FCHO2: variants seen among roughly 807,000 people sequenced by gnomAD.
The protein encoded by FCHO2 is FCH and mu domain containing endocytic adaptor 2, also known as F-BAR domain only protein 2.
A neutral mutation model predicts 114.1 loss-of-function variants in FCHO2; 43 were observed. The ratio of observed to expected loss-of-function variants is 0.38; its 90% CI spans 0.30 to 0.49. FCHO2 has a LOEUF of 0.49. FCHO2 is among the 20% of genes least tolerant of loss of function. The pLI, the probability that FCHO2 is intolerant of heterozygous loss-of-function variation, is 0.97. For synonymous variants in FCHO2, 293 were observed against 315.2 expected (o/e 0.93, Z 0.75); for missense variants, 807 against 950.4 (o/e 0.85, Z 1.98).
At chr5:73,000,222 C>T (rs1237286249) in intron 5 of FCHO2, among the ~76,000 whole-genome samples, 1 of 152,090 alleles carries the variant, frequency 6.6e-6, no homozygotes, top group African/African-American at 2.4e-5. Context: ...CCTGTAATCC[C>T]AGCACTTAGA....
chr5:73,040,661 T>G (rs1756759786), intron 10 of FCHO2, among the ~76,000 whole-genome samples: 1 of 152,222 alleles, frequency 6.6e-6, no homozygotes, highest in African/African-American at 2.4e-5. Flanking sequence ...TGATAGAATT[T>G]CAGTTCTCAA....
At chr5:73,056,307 C>A (rs1757590873) in intron 16 of FCHO2, among the ~76,000 whole-genome samples, 200 bp downstream of exon 16, 1 of 152,154 alleles carries the variant, frequency 6.6e-6, no homozygotes, top group African/African-American at 2.4e-5. Context: ...ATTGACACAT[C>A]ATAATCACCT....
intron 5 of FCHO2, among the ~76,000 whole-genome samples, chr5:73,004,195 A>G (rs981917924): frequency 2.0e-5 from 3 of 152,206 alleles, no homozygotes; most frequent in African/African-American, 7.2e-5. Flanking sequence ...CGGATTAAGC[A>G]TGCCATTATA....
chr5:72,963,307 A>G (rs1751977400), intron 1 of FCHO2, among the ~76,000 whole-genome samples: 1 of 152,200 alleles, frequency 6.6e-6, no homozygotes, highest in Non-Finnish European at 1.5e-5. Context: ...ACAAGTCTGC[A>G]TGGTTTTCCT....
chr5:72,997,246 C>T, intron 5 of FCHO2: 1 of 1,155,706 alleles, frequency 8.7e-7, no homozygotes, highest in Non-Finnish European at 1.3e-6. Flanking sequence ...ATTAGAGGCC[C>T]CATGTGGATT....
chr5:72,971,796 A>G (rs1184612559), intron 2 of FCHO2, among the ~76,000 whole-genome samples: 2 of 152,178 alleles, frequency 1.3e-5, no homozygotes, highest in Non-Finnish European at 2.9e-5. Context: ...CCTGAATAGT[A>G]ATGCCTAGGT....
At chr5:72,960,520 CA>C (rs1326388720) in intron 1 of FCHO2, among the ~76,000 whole-genome samples, 4 of 151,984 alleles carry the variant, frequency 2.6e-5, no homozygotes, top group African/African-American at 7.2e-5. Context: ...ACATATTAAA[CA>C]TTATGTAACT....
intron 18 of FCHO2, 140 bp downstream of exon 18, chr5:73,064,084 A>C: frequency 1.4e-6 from 1 of 693,846 alleles, no homozygotes; most frequent in Non-Finnish European, 2.4e-6. Context: ...TTTCCCAGCT[A>C]GTGCTTCCTT....
At chr5:73,048,419 TG>T (rs1434806635) in intron 11 of FCHO2, among the ~76,000 whole-genome samples, 4 of 152,118 alleles carry the variant, frequency 2.6e-5, no homozygotes, top group African/African-American at 9.7e-5. Flanking sequence ...CACTCCAGCC[TG>T]GGTGACAGAG....
Position 73,087,700 on chromosome 5 carries a change from A to C in FCHO2, c.2357A>C (p.Glu786Ala), listed in dbSNP as rs1044867037. Reference sequence around the variant, plus strand: ...AGTACCCTTTCAGGAGTAGATTTCGAACTTGTGGGCACTGGCTATAGGCTT... The same window carrying C: ...AGTACCCTTTCAGGAGTAGATTTCGCACTTGTGGGCACTGGCTATAGGCTT... ...EGSTLSGVDFELVGTGYRLSL... is the reference protein window; with the variant it reads ...EGSTLSGVDFALVGTGYRLSL... Residue 786 changes from glutamate (E) to alanine (A), a missense_variant, in exon 25 of 26, where the codon GAA becomes GCA. By Grantham distance (107) the Glu-to-Ala change is moderately radical. Transcript: ENST00000430046. The C allele has an allele frequency of 6.2e-7, 1 of 1,613,254 alleles. No individual in the cohort carries two copies. The highest frequency in any genetic ancestry group is 1.7e-5 in the Admixed American group (1 of 59,930).
chr5:73,080,466 T>C (rs1215826450), intron 22 of FCHO2, among the ~76,000 whole-genome samples: 1 of 152,146 alleles, frequency 6.6e-6, no homozygotes, highest in East Asian at 1.9e-4. Flanking sequence ...CGCTGTAGCA[T>C]TGTTTAGAAA....
chr5:72,999,269 AT>A (rs539905152), intron 5 of FCHO2, among the ~76,000 whole-genome samples: 1 of 150,814 alleles, frequency 6.6e-6, no homozygotes, highest in African/African-American at 2.4e-5. Flanking sequence ...AAGAATGTAG[AT>A]TTTTTTTAAA....
intron 2 of FCHO2, among the ~76,000 whole-genome samples, chr5:72,979,371 T>C (rs1337460233): frequency 7.4e-6 from 1 of 135,764 alleles, no homozygotes; most frequent in Non-Finnish European, 1.6e-5. Context: ...CAGGAATTTA[T>C]CAATTTCTTT....
chr5:72,956,559 G>A (rs1751554889), intron 1 of FCHO2, among the ~76,000 whole-genome samples: 1 of 152,100 alleles, frequency 6.6e-6, no homozygotes, highest in Admixed American at 6.5e-5. Flanking sequence ...TTTGCCTCCT[G>A]CCCTCACCGC....
At chr5:73,052,219 G>A (rs1003503924) in intron 12 of FCHO2, 113 bp from the exon 13 acceptor site, 10 of 1,104,842 alleles carry the variant, frequency 9.1e-6, no homozygotes, top group South Asian at 3.4e-5. Flanking sequence ...CGTCGCACCC[G>A]GCCCAAAGTC....
At chr5:73,027,618 A>G (rs1033965543) in intron 8 of FCHO2, among the ~76,000 whole-genome samples, 6 of 152,140 alleles carry the variant, frequency 3.9e-5, no homozygotes, top group Non-Finnish European at 8.8e-5. Flanking sequence ...TGAGCAAGTA[A>G]TAAGTAATGA....
intron 1 of FCHO2, among the ~76,000 whole-genome samples, chr5:72,956,382 G>C (rs1427172203): frequency 6.6e-6 from 1 of 151,676 alleles, no homozygotes; most frequent in Non-Finnish European, 1.5e-5. Context: ...CGGCCACCGG[G>C]GCTGGGACAA....
At chr5:73,034,794 G>T in intron 9 of FCHO2, 93 bp downstream of exon 9, 1 of 997,836 alleles carries the variant, frequency 1.0e-6, no homozygotes, top group Non-Finnish European at 1.4e-6. Flanking sequence ...CTATCCCTAG[G>T]TGTCAGCATA....
rs956979540 is a variant in FCHO2 at position 73,054,408 on chromosome 5, A to G, written c.1186-117A>G. On this transcript the variant is annotated intron_variant, in intron 14 of 25. Transcript: ENST00000430046. ...ATCTTTTATGTAAATACACTTTACA[A>G]TTGAGCAGATATACTAAAAACAACA... 15 of 948,698 alleles carry G rather than the reference A, an allele frequency of 1.6e-5. No homozygotes were observed. In the African/African-American group the frequency reaches 1.9e-4, roughly 12 times the overall value. 58.8% of individuals were successfully genotyped at this position (948,698 alleles called of 1,614,324 possible). A position where few individuals can be genotyped will look rare whatever the true frequency, so the allele number is the denominator to read the frequency against.
Sources: gnomAD v4.1 joint callset for allele counts (sites outside exome capture counted in the v4.1 genomes callset) on GRCh38, gnomAD v4.1.1 for gene constraint, MANE v1.5 for transcripts, NCBI Gene and HGNC (gene_info 2026-07-23, HGNC 2026-07-21) for gene names.